Variants in PARG observed in about 807,000 individuals in gnomAD.
PARG encodes the protein poly(ADP-ribose) glycohydrolase, also known as mitochondrial poly(ADP-ribose) glycohydrolase.
PARG carries 35 observed loss-of-function variants against 113.0 expected under a neutral mutation model. The ratio of observed to expected loss-of-function variants is 0.31; its 90% confidence interval spans 0.24 to 0.41. The LOEUF is 0.41. Among genes scored for constraint, PARG ranks in the 10% least tolerant of loss-of-function variants. PARG has a pLI of 1.00. For missense variants in PARG, 797 were observed against 1,169.4 expected (o/e 0.68, Z 4.64); for synonymous variants, 330 against 409.9 (o/e 0.81, Z 2.36).
At chr10:49,876,630 C>G (rs557333080) in intron 9 of PARG, among the ~76,000 whole-genome samples, 2 of 152,096 alleles carry the variant, frequency 1.3e-5, no homozygotes, top group Admixed American at 1.3e-4. Context: ...AAAACTGATA[C>G]GTGAACTGAG....
intron 6 of PARG, among the ~76,000 whole-genome samples, chr10:49,919,843 T>C (rs1233180897): frequency 2.6e-5 from 4 of 152,136 alleles, no homozygotes; most frequent in Non-Finnish European, 5.9e-5. Context: ...ATCGTGCCAC[T>C]GCGATCTGAT....
chr10:49,876,860 C>T (rs1219808102), intron 9 of PARG, among the ~76,000 whole-genome samples: 23 of 151,066 alleles, frequency 1.5e-4, no homozygotes, highest in Admixed American at 1.5e-3. Flanking sequence ...ACAAACTTAC[C>T]TACTGTACAA....
chr10:49,906,194 G>A (rs1848581401), intron 7 of PARG, among the ~76,000 whole-genome samples: 1 of 144,976 alleles, frequency 6.9e-6, no homozygotes, highest in African/African-American at 2.5e-5. Flanking sequence ...TGTTGGTCAG[G>A]CTGGTCTCAA....
intron 1 of PARG, among the ~76,000 whole-genome samples, chr10:49,935,461 C>G (rs1450855545): frequency 1.8e-3 from 278 of 152,352 alleles, no homozygotes; most frequent in African/African-American, 6.4e-3. Flanking sequence ...TTCTCTGTAT[C>G]TCAGATCCCT....
rs1847129989 is a variant in PARG at position 49,879,848 on chromosome 10, A to C, written c.1831-18T>G. On this transcript the variant is annotated intron_variant, in intron 8 of 17. Transcript: ENST00000616448. Reference sequence around the variant, plus strand: ...GGTATTGGCTGATAAAAGAAACAAAAAAATACAGACGAGAAGAGCAATAAT... The same window carrying C: ...GGTATTGGCTGATAAAAGAAACAAACAAATACAGACGAGAAGAGCAATAAT... 1.0e-6 allele frequency: 1 copy of C among 981,746 alleles called. No homozygotes were observed. Among genetic ancestry groups the C allele is most frequent in the Admixed American group, 2.0e-5 (1 of 49,296 alleles). The allele number at this position is 981,746 out of a possible 1,614,324, so 60.8% of individuals were successfully genotyped here.
intron 13 of PARG, among the ~76,000 whole-genome samples, chr10:49,845,013 T>C (rs1290529883): frequency 1.3e-5 from 2 of 152,172 alleles, no homozygotes; most frequent in African/African-American, 4.8e-5. Context: ...TCAACATTAT[T>C]AGTCATCAGA....
At chr10:49,919,931 CAAA>C in intron 6 of PARG, among the ~76,000 whole-genome samples, 1 of 152,042 alleles carries the variant, frequency 6.6e-6, no homozygotes, top group Admixed American at 6.6e-5. Flanking sequence ...GTAATAATTG[CAAA>C]ATAATTTCTT....
At chr10:49,935,034 A>T in intron 2 of PARG, 42 bp downstream of exon 2, 1 of 694,958 alleles carries the variant, frequency 1.4e-6, no homozygotes, top group South Asian at 1.6e-5. Flanking sequence ...TAAAACATCC[A>T]TGTATTATTA....
chr10:49,912,520 G>A (rs1313119825), intron 7 of PARG, among the ~76,000 whole-genome samples: 7 of 151,676 alleles, frequency 4.6e-5, no homozygotes, highest in African/African-American at 1.7e-4. Flanking sequence ...AAAATTAGCT[G>A]GGTGTGGTGG....
chr10:49,899,241 G>A (rs1267395891), intron 7 of PARG, among the ~76,000 whole-genome samples: 1 of 152,126 alleles, frequency 6.6e-6, no homozygotes, highest in African/African-American at 2.4e-5. Context: ...TAAAGCACAA[G>A]CTCACATTTC....
intron 9 of PARG, among the ~76,000 whole-genome samples, chr10:49,873,883 T>C (rs1846819295): frequency 8.2e-6 from 1 of 122,574 alleles, no homozygotes; most frequent in Non-Finnish European, 1.7e-5. Context: ...TAAACTCTTA[T>C]TTGGTGAGAA....
chr10:49,935,280 G>C, intron 1 of PARG, 138 bp from the exon 2 acceptor site: 2 of 573,628 alleles, frequency 3.5e-6, no homozygotes, highest in Non-Finnish European at 6.3e-6. Context: ...CAAGTATATG[G>C]GTAAGACAGG....
chr10:49,941,780 A>G lies in PARG; in HGVS notation c.-55T>C. On this transcript the variant is annotated 5_prime_UTR_variant, in exon 1 of 18. Transcript: ENST00000616448. ...CCGGCCCGGGCGGAGAGCCTCATTCACTAACCCTGAGAGAGATGGACTGCG... is the reference window on the plus strand; with the variant it reads ...CCGGCCCGGGCGGAGAGCCTCATTCGCTAACCCTGAGAGAGATGGACTGCG... 6.5e-7 allele frequency: 1 copy of G among 1,539,414 alleles called. No homozygotes were observed. Among genetic ancestry groups the G allele is most frequent in the Non-Finnish European group, 8.7e-7 (1 of 1,146,898 alleles).
chr10:49,847,290 T>C (rs1191514536), intron 13 of PARG, among the ~76,000 whole-genome samples: 15 of 152,268 alleles, frequency 9.9e-5, no homozygotes, highest in African/African-American at 3.4e-4. Flanking sequence ...ATATAAAATA[T>C]ATAGCGATAC....
At chr10:49,845,324 A>G (rs1028006523) in intron 13 of PARG, among the ~76,000 whole-genome samples, 23 of 152,370 alleles carry the variant, frequency 1.5e-4, no homozygotes, top group African/African-American at 4.3e-4. Flanking sequence ...AACAATGTTC[A>G]TAGCAGGTTT....
chr10:49,881,972 C>A (rs1554839556), intron 8 of PARG, among the ~76,000 whole-genome samples: 1 of 152,128 alleles, frequency 6.6e-6, no homozygotes, highest in Non-Finnish European at 1.5e-5. Context: ...AAGCAAAGTG[C>A]TGCTTGGTTT....
At chr10:49,840,744 C>T (rs1436694686) in intron 15 of PARG, among the ~76,000 whole-genome samples, 1 of 152,148 alleles carries the variant, frequency 6.6e-6, no homozygotes, top group Non-Finnish European at 1.5e-5. Context: ...TTCAAAATAT[C>T]TACTAAGTTG....
intron 15 of PARG, among the ~76,000 whole-genome samples, chr10:49,835,575 A>C (rs1412934856): frequency 1.3e-5 from 2 of 152,042 alleles, no homozygotes; most frequent in African/African-American, 4.8e-5. Flanking sequence ...ATTAGTACCT[A>C]GAGTTAAAAA....
chr10:49,841,362 G>C (rs546670819), intron 15 of PARG, among the ~76,000 whole-genome samples: 1 of 152,284 alleles, frequency 6.6e-6, no homozygotes, highest in South Asian at 2.1e-4. Context: ...CCAGAGAACA[G>C]AATCAGCTCT....
Sources: gnomAD v4.1 joint callset for allele counts (sites outside exome capture counted in the v4.1 genomes callset) on GRCh38, gnomAD v4.1.1 for gene constraint, MANE v1.5 for transcripts, NCBI Gene and HGNC (gene_info 2026-07-23, HGNC 2026-07-21) for gene names.